LIMCH1: variants seen among roughly 807,000 people sequenced by gnomAD.
LIMCH1 encodes the protein LIM and calponin homology domains-containing protein 1.
In LIMCH1, 113 loss-of-function variants were observed where a neutral mutation model predicts 176.5. That is an observed-to-expected ratio of 0.64 (90% CI 0.55 to 0.75). The LOEUF (loss-of-function observed/expected upper bound fraction) is 0.75, where lower values mean the gene tolerates loss of function less well. Ranked by LOEUF, LIMCH1 falls within the 30% of genes least tolerant of loss-of-function variation. The probability of loss-of-function intolerance (pLI) is 0.00; values close to 1 mark genes in which losing one functional copy is unlikely to be tolerated. For synonymous variants in LIMCH1, 619 were observed against 645.9 expected (o/e 0.96, Z 0.63); for missense variants, 1,674 against 1,814.9 (o/e 0.92, Z 1.41).
chr4:41,593,024 C>A (rs1241220832), intron 1 of LIMCH1, among the ~76,000 whole-genome samples: 1 of 152,170 alleles, frequency 6.6e-6, no homozygotes, highest in Non-Finnish European at 1.5e-5. Flanking sequence ...AGCACTTGTA[C>A]ATGTCAGGAA....
At chr4:41,613,423 G>A in intron 4 of LIMCH1, 43 bp from the exon 5 acceptor site, 3 of 1,550,978 alleles carry the variant, frequency 1.9e-6, no homozygotes, top group Middle Eastern at 1.7e-4. Context: ...GATAGTGTAG[G>A]CTAGAATTAT....
At chr4:41,612,692 G>C in intron 4 of LIMCH1, 1 of 701,230 alleles carries the variant, frequency 1.4e-6, no homozygotes, top group Non-Finnish European at 2.6e-6. Flanking sequence ...TATAATCACA[G>C]GCTGTCAAAG....
rs374170549 is a variant in LIMCH1 at position 41,671,605 on chromosome 4, C to T, written c.3438+11C>T. 12 of 1,545,028 alleles carry T rather than the reference C, an allele frequency of 7.8e-6. No homozygotes were observed. Among genetic ancestry groups the T allele is most frequent in the Admixed American group, 1.7e-5 (1 of 59,870 alleles). ...CCTGTTATGACACCTGTAAGTCACT[C>T]ATTTTAAGGAATAAGATTATGAGTT... On this transcript the variant is annotated intron_variant, in intron 22 of 31. Transcript: ENST00000503057.
intron 1 of LIMCH1, among the ~76,000 whole-genome samples, chr4:41,443,568 G>A (rs1412117068): frequency 6.6e-6 from 1 of 152,160 alleles, no homozygotes; most frequent in Non-Finnish European, 1.5e-5. Flanking sequence ...CAGGGCAGCT[G>A]TATTTTTTTA....
At position 41,677,308 on chromosome 4, in the gene LIMCH1, T is replaced by C. The variant is rs1585773258; in HGVS notation, c.3519+846T>C. 3.3e-5 allele frequency among the ~76,000 whole-genome samples: 5 copies of C among 152,104 alleles called. No homozygotes were observed. The South Asian group carries it at 1.0e-3, about 32-fold the overall frequency. ...TGCCTGTAATCCCAGCTAGGGAGGC[T>C]GAGACAGGAGAATTGTTTGAACCCG... On this transcript the variant is annotated intron_variant, in intron 23 of 31. Transcript: ENST00000503057.
intron 1 of LIMCH1, among the ~76,000 whole-genome samples, chr4:41,547,199 T>C (rs2079555716): frequency 6.6e-6 from 1 of 152,170 alleles, no homozygotes; most frequent in African/African-American, 2.4e-5. Flanking sequence ...TTTTGACATA[T>C]ACATTATTAT....
chr4:41,685,817 A>T lies in LIMCH1; in HGVS notation c.4075A>T (p.Ser1359Cys), dbSNP rs1720284211. ...CATTAACCATCAGATCGAGTCTCCC[A>T]GTGAAAGGCGGAAGTGAGTAACCAG... ...KSINHQIESP[S>C]ERRKKSPREH... The change falls in exon 28 of 32, where the codon AGT becomes TGT. Residue 1359 changes from serine to cysteine, a missense_variant. By Grantham distance (112) the Ser-to-Cys change is moderately radical. This residue lies in a region of LIMCH1 where 1,015 missense variants were observed against 1,102.5 expected (regional missense o/e 0.92). Coordinates refer to ENST00000503057, the MANE Select transcript of LIMCH1 (RefSeq NM_001330672.2). 1 of 1,613,006 alleles carries T rather than the reference A, an allele frequency of 6.2e-7. No individual in the cohort carries two copies. The highest frequency in any genetic ancestry group is 1.7e-5 in the Admixed American group (1 of 59,854).
At chr4:41,538,101 C>T (rs1169044550), upstream of LIMCH1, 11 of 917,980 alleles carry the variant, frequency 1.2e-5, no homozygotes, top group African/African-American at 2.0e-4. Flanking sequence ...GCTTCTCCGC[C>T]TCCCTCTCCA....
chr4:41,425,801 T>C (rs192195449), intron 1 of LIMCH1, among the ~76,000 whole-genome samples: 2 of 152,336 alleles, frequency 1.3e-5, no homozygotes, highest in Non-Finnish European at 2.9e-5. Context: ...ATTTCTTCCC[T>C]CTTCCTGTTG....
At chr4:41,377,643 G>A (rs1470942716) in intron 1 of LIMCH1, among the ~76,000 whole-genome samples, 4 of 152,172 alleles carry the variant, frequency 2.6e-5, no homozygotes, top group Non-Finnish European at 4.4e-5. Flanking sequence ...GCTGGGTAAT[G>A]TACAAAGAAA....
intron 1 of LIMCH1, among the ~76,000 whole-genome samples, chr4:41,482,575 G>A (rs1018060694): frequency 6.6e-6 from 1 of 152,138 alleles, no homozygotes; most frequent in Non-Finnish European, 1.5e-5. Flanking sequence ...TGTCTTTTGG[G>A]TTAGACAGTA....
At chr4:41,403,126 C>A (rs2154118733) in intron 1 of LIMCH1, among the ~76,000 whole-genome samples, 1 of 151,958 alleles carries the variant, frequency 6.6e-6, no homozygotes, top group East Asian at 1.9e-4. Flanking sequence ...AAGCCTAGTA[C>A]CATATCTAGG....
intron 20 of LIMCH1, among the ~76,000 whole-genome samples, chr4:41,664,713 A>T (rs2094761593): frequency 6.6e-6 from 1 of 152,216 alleles, no homozygotes; most frequent in African/African-American, 2.4e-5. Context: ...ACCCTAAGTA[A>T]AAAGCAGTCA....
intron 1 of LIMCH1, among the ~76,000 whole-genome samples, chr4:41,598,035 G>T (rs2089242507): frequency 6.6e-6 from 1 of 152,170 alleles, no homozygotes; most frequent in African/African-American, 2.4e-5. Context: ...TCTGGCTTCT[G>T]GAGCCGACAT....
intron 1 of LIMCH1, among the ~76,000 whole-genome samples, chr4:41,398,170 GTTTTC>G (rs1260863460): frequency 3.2e-5 from 4 of 125,128 alleles, no homozygotes; most frequent in Non-Finnish European, 6.4e-5. Context: ...TTTATTAAGA[GTTTTC>G]TTTTTTTTTT....
At chr4:41,632,690 T>C in intron 10 of LIMCH1, 59 bp from the exon 11 acceptor site, 1 of 1,372,410 alleles carries the variant, frequency 7.3e-7, no homozygotes, top group Non-Finnish European at 1.0e-6. Flanking sequence ...TTCACTGTCT[T>C]CTTTCGTAAC....
At chr4:41,619,132 T>C (rs2092369642) in intron 5 of LIMCH1, 56 bp from the exon 6 acceptor site, 1 of 1,597,680 alleles carries the variant, frequency 6.3e-7, no homozygotes, top group African/African-American at 1.3e-5. Flanking sequence ...TGCTTAACAT[T>C]GGGAACTTTC....
chr4:41,430,047 T>A (rs924484831), intron 1 of LIMCH1, among the ~76,000 whole-genome samples: 5 of 152,174 alleles, frequency 3.3e-5, no homozygotes, highest in Non-Finnish European at 5.9e-5. Context: ...GGAAGGAGAA[T>A]TGGAAATATT....
intron 1 of LIMCH1, among the ~76,000 whole-genome samples, chr4:41,394,084 C>T (rs565390966): frequency 6.6e-6 from 1 of 152,282 alleles, no homozygotes; most frequent in East Asian, 1.9e-4. Flanking sequence ...TCTATGTAAA[C>T]TTACTTTATG....
Sources: allele counts gnomAD v4.1 joint callset (sites outside exome capture counted in the v4.1 genomes callset), GRCh38; gene constraint gnomAD v4.1.1; regional missense constraint gnomAD v4.1.1; transcripts MANE v1.5; gene names NCBI Gene and HGNC (gene_info 2026-07-23, HGNC 2026-07-21).